Variants in C12orf42 observed in about 807,000 individuals in gnomAD.
The protein encoded by C12orf42 is chromosome 12 open reading frame 42.
In C12orf42, 25 loss-of-function variants were observed where a neutral mutation model predicts 21.6. The observed-to-expected ratio is 1.16, with a 90% confidence interval of 0.84 to 1.62. The LOEUF is 1.62. C12orf42 is among the 40% of genes most tolerant of loss of function. The pLI is 0.00. For missense variants in C12orf42, 483 were observed against 459.3 expected (o/e 1.05, Z -0.47); for synonymous variants, 174 against 175.0 (o/e 0.99, Z 0.05).
chr12:103,456,493 CT>C (rs1201726891), intron 2 of C12orf42, among the ~76,000 whole-genome samples: 2 of 152,134 alleles, frequency 1.3e-5, no homozygotes, highest in Non-Finnish European at 2.9e-5. Flanking sequence ...AATACAAAAC[CT>C]TCTGTGCCTG....
At chr12:103,190,574 A>C in the C12orf42 span, among the ~76,000 whole-genome samples, 1 of 152,224 alleles carries the variant, frequency 6.6e-6, no homozygotes, top group Non-Finnish European at 1.5e-5. Flanking sequence ...AAAAAGAACA[A>C]AACAAATTCT....
the C12orf42 span, among the ~76,000 whole-genome samples, chr12:103,053,333 A>G: frequency 6.6e-6 from 1 of 151,880 alleles, no homozygotes; most frequent in East Asian, 1.9e-4. Flanking sequence ...TGTGGCTTTA[A>G]TTTGTGTTTC....
the C12orf42 span, among the ~76,000 whole-genome samples, chr12:103,186,325 T>C: frequency 6.6e-6 from 1 of 152,186 alleles, no homozygotes; most frequent in Non-Finnish European, 1.5e-5. Flanking sequence ...AAATTGTAGC[T>C]AATAGTAAAA....
intron 2 of C12orf42, among the ~76,000 whole-genome samples, chr12:103,434,247 T>G (rs1372886922): frequency 2.6e-5 from 4 of 152,178 alleles, no homozygotes; most frequent in Admixed American, 2.6e-4. Context: ...CCTGACTAGA[T>G]CATGAGCCAT....
the C12orf42 span, among the ~76,000 whole-genome samples, chr12:103,164,976 C>T: frequency 2.6e-5 from 4 of 152,200 alleles, no homozygotes; most frequent in Admixed American, 2.6e-4. Context: ...GGTTTACTAT[C>T]ACATATGTGA....
At chr12:103,301,918 G>A (rs773851837), downstream of C12orf42, 166 of 648,666 alleles carry the variant, frequency 2.6e-4, no homozygotes, top group Non-Finnish European at 4.0e-4. Flanking sequence ...AATACTATTA[G>A]AGATGCTTCA....
chr12:103,458,871 A>C (rs1952492732), intron 2 of C12orf42, among the ~76,000 whole-genome samples: 1 of 152,164 alleles, frequency 6.6e-6, no homozygotes, highest in Non-Finnish European at 1.5e-5. Flanking sequence ...TTACAGTCAC[A>C]AACAGAAAGA....
At chr12:103,208,428 G>C in the C12orf42 span, among the ~76,000 whole-genome samples, 1 of 152,002 alleles carries the variant, frequency 6.6e-6, no homozygotes, top group Non-Finnish European at 1.5e-5. Flanking sequence ...GTAATCTAGA[G>C]AATTACTACA....
the C12orf42 span, among the ~76,000 whole-genome samples, chr12:103,205,909 A>G: frequency 6.6e-6 from 1 of 152,214 alleles, no homozygotes; most frequent in African/African-American, 2.4e-5. Flanking sequence ...CAAATTAAAA[A>G]GTATATAAAA....
At chr12:103,056,660 G>A in the C12orf42 span, among the ~76,000 whole-genome samples, 1 of 152,026 alleles carries the variant, frequency 6.6e-6, no homozygotes, top group Non-Finnish European at 1.5e-5. Flanking sequence ...TATCCTGTCT[G>A]TTCTGATTGA....
the C12orf42 span, among the ~76,000 whole-genome samples, chr12:103,216,576 C>T: frequency 6.6e-6 from 1 of 151,858 alleles, no homozygotes; most frequent in African/African-American, 2.4e-5. Context: ...GATGGGGTTT[C>T]ACCGTGTTAG....
At chr12:103,234,925 T>C (rs538117109), downstream of C12orf42, among the ~76,000 whole-genome samples, 18 of 152,308 alleles carry the variant, frequency 1.2e-4, 1 homozygote, top group South Asian at 3.7e-3. Context: ...ATTAATCTTG[T>C]TCATTTTTGT....
At chr12:103,320,836 TCTTG>T (rs1200327451) in intron 4 of C12orf42, among the ~76,000 whole-genome samples, 1 of 152,200 alleles carries the variant, frequency 6.6e-6, no homozygotes, top group Non-Finnish European at 1.5e-5. Context: ...TGCAGTTATT[TCTTG>T]CTGTATCCTC....
At chr12:103,129,232 G>T in the C12orf42 span, among the ~76,000 whole-genome samples, 1 of 152,202 alleles carries the variant, frequency 6.6e-6, no homozygotes, top group African/African-American at 2.4e-5. Flanking sequence ...AGGCCCAGGG[G>T]AGTGCTTGGC....
At chr12:103,122,749 CAG>C in the C12orf42 span, among the ~76,000 whole-genome samples, 2 of 152,212 alleles carry the variant, frequency 1.3e-5, no homozygotes, top group Admixed American at 1.3e-4. Flanking sequence ...TTAAGAGTGT[CAG>C]AGAGTTTATG....
At chr12:103,333,493 T>C (rs1369404412) in intron 4 of C12orf42, among the ~76,000 whole-genome samples, 2 of 152,174 alleles carry the variant, frequency 1.3e-5, no homozygotes, top group African/African-American at 4.8e-5. Context: ...ATTTTCCAAA[T>C]AGTTAAATTA....
intron 4 of C12orf42, among the ~76,000 whole-genome samples, chr12:103,292,659 G>A (rs555002652): frequency 2.0e-5 from 3 of 152,124 alleles, no homozygotes; most frequent in Non-Finnish European, 4.4e-5. Flanking sequence ...GAATTATTAT[G>A]TATAGCTTTG....
the C12orf42 span, among the ~76,000 whole-genome samples, chr12:103,210,082 G>A: frequency 0.011 from 1,603 of 151,036 alleles, 25 homozygotes; most frequent in African/African-American, 0.036. Flanking sequence ...CTTCTACTAT[G>A]TGAATTTTAG....
At chr12:103,481,816 T>C (rs1036578868) in intron 1 of C12orf42, among the ~76,000 whole-genome samples, 10 of 151,818 alleles carry the variant, frequency 6.6e-5, no homozygotes, top group South Asian at 2.1e-4. Context: ...GTTTTTTTTT[T>C]CCCTACACTT....
Sources: allele counts gnomAD v4.1 joint callset (sites outside exome capture counted in the v4.1 genomes callset), GRCh38; gene constraint gnomAD v4.1.1; transcripts MANE v1.5; gene names NCBI Gene and HGNC (gene_info 2026-07-23, HGNC 2026-07-21).